Variants in C1GALT1 observed in about 807,000 individuals in gnomAD.
C1GALT1 encodes the protein core 1 synthase, glycoprotein-N-acetylgalactosamine 3-beta-galactosyltransferase 1.
In C1GALT1, 11 loss-of-function variants were observed where a neutral mutation model predicts 31.0. The ratio of observed to expected loss-of-function variants is 0.36; its 90% CI spans 0.22 to 0.59. The LOEUF is 0.59. C1GALT1 is among the 20% of genes least tolerant of loss of function. The pLI is 0.79. For missense variants in C1GALT1, 424 were observed against 425.2 expected, an observed-to-expected ratio of 1.00 and a Z score of 0.03; for synonymous variants, 175 against 143.6, an observed-to-expected ratio of 1.22 and a Z score of -1.56.
intron 2 of C1GALT1, among the ~76,000 whole-genome samples, chr7:7,173,140 T>C (rs1780472212): frequency 6.6e-6 from 1 of 152,086 alleles, no homozygotes; most frequent in African/African-American, 2.4e-5. Flanking sequence ...TGGGAGCTGT[T>C]TGGACCATGG....
intron 1 of C1GALT1, among the ~76,000 whole-genome samples, chr7:7,191,236 A>G (rs1220753498): frequency 6.6e-6 from 1 of 152,094 alleles, no homozygotes; most frequent in South Asian, 2.1e-4. Flanking sequence ...GGAATTGTGC[A>G]TTATTTGTCC....
In C1GALT1 at chr7:7,229,647, C is replaced by T. The variant is rs753960862; in HGVS notation, c.-17-4656C>T. On this transcript the variant is annotated intron_variant, in intron 1 of 3. Coordinates refer to ENST00000436587, the MANE Select transcript of C1GALT1 (RefSeq NM_020156.5). ...AAGGTCTAATGAACTGGTCCTCAGA[C>T]AATCGAGATATTTAGAATTTCAGAA... is the stretch of plus-strand genomic sequence containing the variant. 5.1e-4 allele frequency among the ~76,000 whole-genome samples: 77 copies of T among 152,102 alleles called. 1 individual carries two copies. The highest frequency in any genetic ancestry group is 9.6e-4 in the Non-Finnish European group (65 of 68,020).
chr7:7,205,175 C>T (rs184650481), intron 1 of C1GALT1, among the ~76,000 whole-genome samples: 1 of 151,966 alleles, frequency 6.6e-6, no homozygotes. Context: ...TTGGTTCGTT[C>T]ATCTCAGTGG....
chr7:7,223,530 A>G (rs1047379389), intron 1 of C1GALT1, among the ~76,000 whole-genome samples: 12 of 151,750 alleles, frequency 7.9e-5, no homozygotes, highest in African/African-American at 2.7e-4. Flanking sequence ...TCATTGTATG[A>G]TTTCTCCATT....
In C1GALT1 at chr7:7,234,430, C is replaced by A. The variant is rs926475675; in HGVS notation, c.111C>A (p.Thr37=). ...FSILLGEKVD[T]QPNVLHNDPH... is the part of the protein sequence containing the mutation. Reference sequence around the variant, plus strand: ...TTTTGTTGGGAGAAAAGGTTGACACCCAGCCTAATGTTCTTCATAATGATC... The same window carrying A: ...TTTTGTTGGGAGAAAAGGTTGACACACAGCCTAATGTTCTTCATAATGATC... Residue 37 remains threonine (T), a synonymous_variant, in exon 2 of 4, where the codon ACC becomes ACA. Coordinates refer to ENST00000436587, the MANE Select transcript of C1GALT1 (RefSeq NM_020156.5). 1 of 1,613,710 alleles carries A rather than the reference C, an allele frequency of 6.2e-7. No individual in the cohort carries two copies. Among genetic ancestry groups the A allele is most frequent in the South Asian group, 1.1e-5 (1 of 91,078 alleles).
chr7:7,158,914 C>T (rs1780302627), intron 2 of C1GALT1, among the ~76,000 whole-genome samples: 1 of 152,136 alleles, frequency 6.6e-6, no homozygotes, highest in Non-Finnish European at 1.5e-5. Context: ...CATTCTATCT[C>T]AAACTGTGTG....
At chr7:7,173,707 G>T (rs1053556376) in intron 2 of C1GALT1, among the ~76,000 whole-genome samples, 2 of 152,152 alleles carry the variant, frequency 1.3e-5, no homozygotes, top group African/African-American at 4.8e-5. Flanking sequence ...TTGAAGACCA[G>T]TCTGCGCAAC....
chr7:7,235,821 G>C (rs1449278887), intron 2 of C1GALT1, among the ~76,000 whole-genome samples: 1 of 152,076 alleles, frequency 6.6e-6, no homozygotes, highest in Non-Finnish European at 1.5e-5. Flanking sequence ...AATCATGGTA[G>C]GTGCTTGCCT....
intron 1 of C1GALT1, among the ~76,000 whole-genome samples, chr7:7,233,822 T>C (rs1427064927): frequency 1.3e-5 from 2 of 152,186 alleles, no homozygotes; most frequent in African/African-American, 2.4e-5. Flanking sequence ...TATAAAGGAT[T>C]GTTTAAGAAG....
chr7:7,174,841 C>T (rs991247185), intron 2 of C1GALT1, among the ~76,000 whole-genome samples: 3 of 152,014 alleles, frequency 2.0e-5, no homozygotes, highest in African/African-American at 7.3e-5. Context: ...GTTCATACAT[C>T]ATTTTCCTGG....
intron 1 of C1GALT1, among the ~76,000 whole-genome samples, chr7:7,199,590 C>A (rs569175590): frequency 4.6e-4 from 67 of 144,412 alleles, no homozygotes; most frequent in African/African-American, 1.7e-3. Flanking sequence ...TCCTGGATAT[C>A]CTTGTTACAA....
intron 1 of C1GALT1, among the ~76,000 whole-genome samples, chr7:7,195,140 G>GT (rs72561134): frequency 6.6e-6 from 1 of 151,916 alleles, no homozygotes; most frequent in Non-Finnish European, 1.5e-5. Context: ...TATCTTTTGT[G>GT]TTTTTTGTTT....
intron 2 of C1GALT1, among the ~76,000 whole-genome samples, chr7:7,164,605 G>T (rs1379063252): frequency 6.6e-6 from 1 of 152,184 alleles, no homozygotes; most frequent in Non-Finnish European, 1.5e-5. Context: ...AGTGGGAAAA[G>T]TTGAGCTGTG....
chr7:7,219,979 A>T (rs539781269), intron 1 of C1GALT1, among the ~76,000 whole-genome samples: 1 of 152,084 alleles, frequency 6.6e-6, no homozygotes, highest in Non-Finnish European at 1.5e-5. Context: ...CCTTGTATTG[A>T]TTCTGATTTG....
intron 2 of C1GALT1, among the ~76,000 whole-genome samples, chr7:7,169,975 T>A (rs1780436359): frequency 6.6e-6 from 1 of 152,244 alleles, no homozygotes; most frequent in African/African-American, 2.4e-5. Flanking sequence ...AGTGAAGCTA[T>A]CTGGTCCTGG....
chr7:7,188,854 C>T (rs576430027), intron 1 of C1GALT1, among the ~76,000 whole-genome samples: 50 of 152,180 alleles, frequency 3.3e-4, no homozygotes, highest in Middle Eastern at 3.4e-3. Context: ...GCAGACTAAC[C>T]GATAAGCATG....
At chr7:7,165,696 C>T (rs998662095) in intron 2 of C1GALT1, among the ~76,000 whole-genome samples, 2 of 152,078 alleles carry the variant, frequency 1.3e-5, no homozygotes, top group Admixed American at 1.3e-4. Context: ...GTTGTAAGCA[C>T]CAATTTATGA....
chr7:7,230,625 T>C (rs1286052354), intron 1 of C1GALT1, among the ~76,000 whole-genome samples: 3 of 54,306 alleles, frequency 5.5e-5, no homozygotes, highest in Non-Finnish European at 1.1e-4. Flanking sequence ...ATATTCCCTT[T>C]TTTTTTTTTT....
Position 7,247,148 on chromosome 7 carries a change from T to G in C1GALT1, c.*3421T>G, listed in dbSNP as rs1156676505. On this transcript the variant is annotated 3_prime_UTR_variant, in exon 4 of 4. Coordinates refer to ENST00000436587, the MANE Select transcript of C1GALT1 (RefSeq NM_020156.5). The stretch of plus-strand genomic sequence containing the variant: ...TGTTTTATAACATACATTTTTCTGC[T>G]AATTCATTCTGTTTTGTGTGACCTA... 3 of 152,324 alleles carry G rather than the reference T, an allele frequency of 2.0e-5. No homozygotes were observed. The highest frequency in any genetic ancestry group is 2.9e-5 in the Non-Finnish European group (2 of 68,002). The allele number at this position is 152,324 out of a possible 1,614,324, so 9.4% of individuals were successfully genotyped here.
Sources: gnomAD v4.1 joint callset for allele counts (sites outside exome capture counted in the v4.1 genomes callset) on GRCh38, gnomAD v4.1.1 for gene constraint, MANE v1.5 for transcripts, NCBI Gene and HGNC (gene_info 2026-07-23, HGNC 2026-07-21) for gene names.